Variants in CXADR observed in about 807,000 individuals in gnomAD.
CXADR encodes CXADR cell adhesion molecule.
CXADR carries 20 observed loss-of-function variants against 40.3 expected under a neutral mutation model. The observed-to-expected ratio is 0.50, with a 90% CI of 0.35 to 0.72. CXADR has a LOEUF of 0.72. Ranked by LOEUF, CXADR falls within the 30% of genes least tolerant of loss-of-function variation. The pLI is 0.01. For missense variants in CXADR, 332 were observed against 449.1 expected (o/e 0.74, Z 2.36); for synonymous variants, 150 against 161.3 (o/e 0.93, Z 0.53).
intron 2 of CXADR, 26 bp from the exon 3 acceptor site, chr21:17,551,723 C>T: frequency 6.3e-7 from 1 of 1,576,346 alleles, no homozygotes; most frequent in Non-Finnish European, 8.7e-7. Flanking sequence ...TGTTTTTCCT[C>T]CTGTCTAATT....
At chr21:17,632,340 C>T in the CXADR span, among the ~76,000 whole-genome samples, 1 of 152,040 alleles carries the variant, frequency 6.6e-6, no homozygotes, top group Admixed American at 6.5e-5. Context: ...AGTTTAAGAG[C>T]TCAGAGGGAA....
At chr21:17,605,281 C>T in the CXADR span, 4 of 240,094 alleles carry the variant, frequency 1.7e-5, no homozygotes, top group East Asian at 2.5e-4. Context: ...TAAATGAGCA[C>T]GGAGTATGAA....
At chr21:17,572,843 G>A (rs754645208), downstream of CXADR, among the ~76,000 whole-genome samples, 2 of 152,048 alleles carry the variant, frequency 1.3e-5, no homozygotes, top group East Asian at 1.9e-4. Context: ...GGTGATCTGC[G>A]AAAATACCGA....
intron 7 of CXADR, among the ~76,000 whole-genome samples, chr21:17,581,927 T>A (rs540244941): frequency 3.4e-3 from 1 of 292 alleles, no homozygotes; most frequent in East Asian, 0.038. Context: ...AGGAGTTTGT[T>A]TGTTTGTTTG....
chr21:17,604,150 C>G, the CXADR span: 1 of 1,281,422 alleles, frequency 7.8e-7, no homozygotes. Flanking sequence ...CTTACATAAT[C>G]AAAAAGGAGG....
At chr21:17,609,136 ATTC>A in the CXADR span, 1 of 1,604,282 alleles carries the variant, frequency 6.2e-7, no homozygotes, top group Admixed American at 1.7e-5. Flanking sequence ...CAGCAATTTC[ATTC>A]TTCATTTTTT....
chr21:17,600,938 T>C, the CXADR span, among the ~76,000 whole-genome samples: 1 of 151,626 alleles, frequency 6.6e-6, no homozygotes, highest in African/African-American at 2.4e-5. Context: ...CCAAGGCGGG[T>C]GGATCATGAG....
chr21:17,633,544 G>T, the CXADR span, among the ~76,000 whole-genome samples: 22 of 152,258 alleles, frequency 1.4e-4, no homozygotes, highest in East Asian at 2.3e-3. Context: ...AACAAAGCAA[G>T]ACCCCTCAAA....
At chr21:17,613,802 AC>A in the CXADR span, 1 of 152,226 alleles carries the variant, frequency 6.6e-6, no homozygotes, top group African/African-American at 2.4e-5. Context: ...TTGTGAAAGC[AC>A]TTTAATACAT....
intron 7 of CXADR, among the ~76,000 whole-genome samples, chr21:17,587,286 T>C (rs1298441661): frequency 1.3e-5 from 2 of 152,148 alleles, no homozygotes; most frequent in East Asian, 1.9e-4. Flanking sequence ...ATGGTATTTC[T>C]AGTTCTAGAT....
the CXADR span, among the ~76,000 whole-genome samples, chr21:17,607,660 AG>A: frequency 4.6e-5 from 7 of 151,990 alleles, no homozygotes; most frequent in Non-Finnish European, 7.3e-5. Context: ...AGTGGCAGAA[AG>A]GAAGTCCTTC....
At chr21:17,574,052 T>G (rs1203081172), downstream of CXADR, among the ~76,000 whole-genome samples, 1 of 152,242 alleles carries the variant, frequency 6.6e-6, no homozygotes, top group African/African-American at 2.4e-5. Flanking sequence ...GATAAGAACT[T>G]CTACATTTTA....
intron 1 of CXADR, among the ~76,000 whole-genome samples, chr21:17,544,958 A>G (rs749091934): frequency 6.6e-6 from 1 of 151,458 alleles, no homozygotes; most frequent in Non-Finnish European, 1.5e-5. Context: ...TGCAGTGACT[A>G]ACTCCTCTTC....
At chr21:17,600,009 A>G in the CXADR span, among the ~76,000 whole-genome samples, 2 of 152,206 alleles carry the variant, frequency 1.3e-5, no homozygotes, top group Non-Finnish European at 2.9e-5. Flanking sequence ...GTTTCCTAGG[A>G]TAACTACTCA....
chr21:17,551,215 C>T (rs1439300834), intron 2 of CXADR, among the ~76,000 whole-genome samples: 2 of 152,240 alleles, frequency 1.3e-5, no homozygotes, highest in African/African-American at 2.4e-5. Flanking sequence ...GCCTGGCCAA[C>T]GTGGTGAAAT....
chr21:17,555,683 G>A (rs188807065), intron 3 of CXADR, among the ~76,000 whole-genome samples: 108 of 152,110 alleles, frequency 7.1e-4, no homozygotes, highest in Non-Finnish European at 9.1e-4. Context: ...ATTGTTAATC[G>A]TGATCGCTTG....
Position 17,560,691 on chromosome 21 carries a change from T to G in CXADR, c.572-11T>G, listed in dbSNP as rs1156584427. The G allele has an allele frequency of 6.2e-7, 1 of 1,609,768 alleles. No individual in the cohort carries two copies. Among genetic ancestry groups the G allele is most frequent in the African/African-American group, 1.3e-5 (1 of 74,896 alleles). ...AAAAATGAGTTTGTTTTCTTTTTCC[T>G]CCTTCCATAGAAATGACTTCATCTG... On this transcript the variant is annotated splice_polypyrimidine_tract_variant and intron_variant, in intron 4 of 6. Coordinates refer to ENST00000284878, the MANE Select transcript of CXADR (RefSeq NM_001338.5).
Position 17,566,138 on chromosome 21 carries a change from T to C in CXADR, c.*446T>C. ...GGCCCACCAGTCTCCCCCAAATTAG[T>C]ACAGAAATATCCATGACAAAATTAC... On this transcript the variant is annotated 3_prime_UTR_variant, in exon 7 of 7. Coordinates refer to ENST00000284878, the MANE Select transcript of CXADR (RefSeq NM_001338.5). The C allele has an allele frequency of 1.0e-6, 1 of 984,728 alleles. No individual in the cohort carries two copies. 61.0% of individuals were successfully genotyped at this position (984,728 alleles called of 1,614,324 possible). A position where few individuals can be genotyped will look rare whatever the true frequency, so the allele number is the denominator to read the frequency against.
intron 6 of CXADR, among the ~76,000 whole-genome samples, chr21:17,563,637 G>A (rs1250021925): frequency 6.6e-6 from 1 of 152,074 alleles, no homozygotes; most frequent in African/African-American, 2.4e-5. Context: ...GTGAGCACAT[G>A]CTGTTGGAAA....
Sources: allele counts gnomAD v4.1 joint callset (sites outside exome capture counted in the v4.1 genomes callset), GRCh38; gene constraint gnomAD v4.1.1; transcripts MANE v1.5; gene names NCBI Gene and HGNC (gene_info 2026-07-23, HGNC 2026-07-21).